Variants in RBM47 observed in about 807,000 individuals in gnomAD.
RBM47 encodes the protein RNA binding motif protein 47, also known as RNA-binding protein 47.
In RBM47, 21 loss-of-function variants were observed where a neutral mutation model predicts 47.1. The observed-to-expected ratio is 0.45, with a 90% CI of 0.32 to 0.64. The LOEUF is 0.64. Ranked by LOEUF, RBM47 falls within the 30% of genes least tolerant of loss-of-function variation. RBM47 has a pLI of 0.05. For synonymous variants in RBM47, 375 were observed against 361.7 expected (o/e 1.04, Z -0.42); for missense variants, 708 against 870.9 (o/e 0.81, Z 2.35).
intron 3 of RBM47, among the ~76,000 whole-genome samples, chr4:40,447,806 C>T (rs1452826569): frequency 6.6e-6 from 1 of 152,140 alleles, no homozygotes; most frequent in South Asian, 2.1e-4. Context: ...GTCAGGAGAT[C>T]GAGACCATCC....
At position 40,595,882 on chromosome 4, in the gene RBM47, G is replaced by A. The variant is rs530664740; in HGVS notation, c.-240+33514C>T. On this transcript the variant is annotated intron_variant, in intron 1 of 6. Transcript: ENST00000295971. ...ATCTCATCACTGTTCTCCAGGCTGG[G>A]CAACAGAGTGAAACTTCGTCCCCCC... is the stretch of plus-strand genomic sequence containing the variant. 1.5e-4 allele frequency among the ~76,000 whole-genome samples: 22 copies of A among 151,224 alleles called. No individual in the cohort carries two copies. The East Asian group carries it at 3.9e-3, about 27-fold the overall frequency.
intron 2 of RBM47, among the ~76,000 whole-genome samples, chr4:40,498,667 T>A (rs1252802262): frequency 4.8e-5 from 4 of 83,954 alleles, no homozygotes; most frequent in African/African-American, 1.1e-4. Context: ...AGAGACTCCA[T>A]CTCAAAAAAA....
At chr4:40,514,371 G>A (rs967146975) in intron 2 of RBM47, 2 of 152,110 alleles carry the variant, frequency 1.3e-5, no homozygotes, top group Non-Finnish European at 2.9e-5. Context: ...CGGGGACTCC[G>A]AGCCACTAAA....
At chr4:40,584,913 A>G (rs1304506351) in intron 1 of RBM47, among the ~76,000 whole-genome samples, 1 of 152,228 alleles carries the variant, frequency 6.6e-6, no homozygotes, top group African/African-American at 2.4e-5. Flanking sequence ...TGGAAAGATC[A>G]GAAAGCTGAT....
intron 1 of RBM47, among the ~76,000 whole-genome samples, chr4:40,580,556 G>C (rs559724534): frequency 6.6e-6 from 1 of 152,198 alleles, no homozygotes; most frequent in South Asian, 2.1e-4. Flanking sequence ...TTGAAATTTG[G>C]TTACCATCAT....
At chr4:40,483,422 G>C (rs6840478) in intron 2 of RBM47, among the ~76,000 whole-genome samples, 2 of 152,218 alleles carry the variant, frequency 1.3e-5, no homozygotes, top group African/African-American at 2.4e-5. Flanking sequence ...GAGCGAGACA[G>C]GCAGGGGTCA....
In RBM47 at chr4:40,541,511, T is replaced by C. The variant is rs1187530923; in HGVS notation, c.-155+2911A>G. On this transcript the variant is annotated intron_variant, in intron 2 of 6. Coordinates refer to ENST00000295971, the MANE Select transcript of RBM47 (RefSeq NM_001098634.2). ...CAGCACTTTGGGCGGCAGAGGTGGG[T>C]GGATTCCCTGAGGTCAGGAGTTCGA... Among the ~76,000 whole-genome samples, 7 of 151,678 alleles carry C rather than the reference T, an allele frequency of 4.6e-5. No individual in the cohort carries two copies. In the East Asian group the frequency reaches 1.4e-3, roughly 29 times the overall value.
rs149974315 is a variant in RBM47, at chr4:40,429,839, C to T, written c.1542+2812G>A. Reference sequence around the variant, plus strand: ...TTGGCTAAATAGGAACACCCCTGAGCGCCTACAAGGTAGGGGAGGATGATC... The same window carrying T: ...TTGGCTAAATAGGAACACCCCTGAGTGCCTACAAGGTAGGGGAGGATGATC... On this transcript the variant is annotated intron_variant, in intron 6 of 6. Transcript: ENST00000295971. 6.8e-3 allele frequency among the ~76,000 whole-genome samples: 1,027 copies of T among 151,972 alleles called. 9 individuals are homozygous for T. Among genetic ancestry groups the T allele is most frequent in the African/African-American group, 0.023 (969 of 41,444 alleles).
At chr4:40,486,600 C>T (rs1192256598) in intron 2 of RBM47, among the ~76,000 whole-genome samples, 1 of 152,044 alleles carries the variant, frequency 6.6e-6, no homozygotes, top group Admixed American at 6.6e-5. Context: ...GAGTTCGAGA[C>T]CAGACTGGTC....
chr4:40,451,048 T>TA (rs1715348430), intron 3 of RBM47, among the ~76,000 whole-genome samples: 1 of 152,026 alleles, frequency 6.6e-6, no homozygotes, highest in Admixed American at 6.6e-5. Flanking sequence ...ATCTGGCTCT[T>TA]ACGAATAGTC....
At chr4:40,592,934 G>GACAT (rs1734297507) in intron 1 of RBM47, among the ~76,000 whole-genome samples, 1 of 55,998 alleles carries the variant, frequency 1.8e-5, no homozygotes, top group East Asian at 6.0e-4. Flanking sequence ...AACAATTTGG[G>GACAT]ACATATATAT....
chr4:40,507,460 G>A (rs1349206660), intron 2 of RBM47, among the ~76,000 whole-genome samples: 1 of 152,178 alleles, frequency 6.6e-6, no homozygotes, highest in Admixed American at 6.5e-5. Flanking sequence ...ATGTGTGTCT[G>A]AAAATAACAA....
chr4:40,561,814 T>G (rs1489972181), intron 1 of RBM47, among the ~76,000 whole-genome samples: 2 of 152,092 alleles, frequency 1.3e-5, no homozygotes, highest in Non-Finnish European at 2.9e-5. Flanking sequence ...CCTCCCTAAG[T>G]GCTGGGATTA....
intron 3 of RBM47, among the ~76,000 whole-genome samples, chr4:40,451,084 C>T (rs886897783): frequency 7.9e-5 from 12 of 151,344 alleles, no homozygotes; most frequent in South Asian, 2.1e-4. Flanking sequence ...CAGTGGCTCA[C>T]GCCTGTAATC....
intron 2 of RBM47, among the ~76,000 whole-genome samples, chr4:40,476,062 G>A (rs1429160996): frequency 2.6e-5 from 4 of 152,110 alleles, no homozygotes; most frequent in African/African-American, 4.8e-5. Flanking sequence ...AATAACGACC[G>A]TAAGGAAACA....
intron 1 of RBM47, among the ~76,000 whole-genome samples, chr4:40,591,043 T>A (rs1734090794): frequency 6.6e-6 from 1 of 152,152 alleles, no homozygotes; most frequent in East Asian, 1.9e-4. Context: ...CCTCAGGTGA[T>A]CCACCTGCCT....
chr4:40,605,370 G>C (rs1190000326), intron 1 of RBM47, among the ~76,000 whole-genome samples: 3 of 152,148 alleles, frequency 2.0e-5, no homozygotes, highest in South Asian at 4.1e-4. Flanking sequence ...TCTGGGGCTG[G>C]AGCACAGACT....
intron 2 of RBM47, among the ~76,000 whole-genome samples, chr4:40,533,941 G>T (rs1429338245): frequency 6.6e-6 from 1 of 151,154 alleles, no homozygotes; most frequent in African/African-American, 2.4e-5. Flanking sequence ...TCAGCCTCCC[G>T]AGTGGCTGGG....
At chr4:40,446,555 T>C (rs908122621) in intron 3 of RBM47, among the ~76,000 whole-genome samples, 2 of 151,824 alleles carry the variant, frequency 1.3e-5, no homozygotes, top group African/African-American at 2.4e-5. Flanking sequence ...CTGGGCAACA[T>C]AGTGAGACCC....
Sources: allele counts gnomAD v4.1 joint callset (sites outside exome capture counted in the v4.1 genomes callset), GRCh38; gene constraint gnomAD v4.1.1; transcripts MANE v1.5; gene names NCBI Gene and HGNC (gene_info 2026-07-23, HGNC 2026-07-21).